Variants in TSPEAR observed in about 807,000 individuals in gnomAD.
TSPEAR encodes the protein thrombospondin-type laminin G domain and EAR repeat-containing protein.
TSPEAR carries 69 observed loss-of-function variants against 71.6 expected under a neutral mutation model. The ratio of observed to expected loss-of-function variants is 0.96; its 90% CI spans 0.79 to 1.18. The LOEUF (loss-of-function observed/expected upper bound fraction) is 1.18. Among genes scored for constraint, TSPEAR ranks in the 50% most tolerant of loss-of-function variants. The probability of loss-of-function intolerance (pLI) is 0.00; values close to 1 mark genes in which losing one functional copy is unlikely to be tolerated. For synonymous variants in TSPEAR, 402 were observed against 387.2 expected (o/e 1.04, Z -0.45); for missense variants, 971 against 894.9 (o/e 1.09, Z -1.09).
chr21:44,579,768 A>C, intron 1 of TSPEAR: 2 of 1,610,842 alleles, frequency 1.2e-6, no homozygotes, highest in East Asian at 2.2e-5. Flanking sequence ...AGGCCTCAGC[A>C]GGCCAGGGGG....
chr21:44,584,045 A>G (rs1411359234), intron 1 of TSPEAR, among the ~76,000 whole-genome samples: 2 of 152,216 alleles, frequency 1.3e-5, no homozygotes, highest in East Asian at 3.9e-4. Context: ...GCACACCTGT[A>G]TTAATAATCG....
At chr21:44,525,596 G>A (rs2052838607) in intron 8 of TSPEAR, 57 bp downstream of exon 8, 1 of 1,560,396 alleles carries the variant, frequency 6.4e-7, no homozygotes, top group East Asian at 2.2e-5. Context: ...CTGCCTGCAA[G>A]TCTCGCTCTG....
At position 44,506,546 on chromosome 21, in the gene TSPEAR, C is replaced by T. The variant is rs1411417381; in HGVS notation, c.1755-1665G>A. Among the ~76,000 whole-genome samples, 1 of 152,204 alleles carries T rather than the reference C, an allele frequency of 6.6e-6. No homozygotes were observed. Among genetic ancestry groups the T allele is most frequent in the Non-Finnish European group, 1.5e-5 (1 of 68,026 alleles). ...GGTGTCCAGTGACAGGCAGGGCGGG[C>T]AGAGCCCATGGGGCCTTGGGCTCCT... On this transcript the variant is annotated intron_variant, in intron 10 of 11. Transcript: ENST00000323084. This position sits in a 1 kb window ranked among gnomAD's most constrained non-coding sequence, Gnocchi z 4.2.
chr21:44,552,170 T>G (rs1601406244), intron 2 of TSPEAR, among the ~76,000 whole-genome samples: 1 of 151,948 alleles, frequency 6.6e-6, no homozygotes, highest in Non-Finnish European at 1.5e-5. Context: ...GAGTGGTGGG[T>G]GCAGATCCAG....
chr21:44,504,841 A>G lies in TSPEAR; in HGVS notation c.1795T>C (p.Phe599Leu). 6.2e-7 allele frequency: 1 copy of G among 1,613,770 alleles called. No individual in the cohort carries two copies. Among genetic ancestry groups the G allele is most frequent in the South Asian group, 1.1e-5 (1 of 91,046 alleles). Residue 599 changes from phenylalanine to leucine, a missense_variant, in exon 11 of 12, where the codon TTC (phenylalanine) becomes CTC (leucine). Transcript: ENST00000323084. Reference protein sequence around the residue: ...WEFFSVGEDYFLVVANSFDGR... With the variant: ...WEFFSVGEDYLLVVANSFDGR... ...TCGAAGGAGTTGGCCACCACCAGGA[A>G]ATAATCTTCTCCCACCGAGAAAAAC...
intron 9 of TSPEAR, chr21:44,515,440 C>G (rs1482286243): frequency 1.3e-5 from 2 of 152,390 alleles, no homozygotes; most frequent in Admixed American, 1.3e-4. Flanking sequence ...AGCCGTGCTT[C>G]CTTCTGTCTG....
chr21:44,687,782 G>A lies in TSPEAR; in HGVS notation c.82+23651C>T, dbSNP rs1986927050. ...CTGGGTGAGCTGTGTTGACAGATTG[G>A]CAAACTTCGTCAAATGATACCCTTG... On this transcript the variant is annotated intron_variant, in intron 1 of 11. Transcript: ENST00000323084. This position sits in a 1 kb window ranked among gnomAD's most constrained non-coding sequence, Gnocchi z 4.4. 6.6e-6 allele frequency among the ~76,000 whole-genome samples: 1 copy of A among 152,144 alleles called. No individual in the cohort carries two copies. Among genetic ancestry groups the A allele is most frequent in the Non-Finnish European group, 1.5e-5 (1 of 68,030 alleles).
chr21:44,612,565 C>T lies in TSPEAR; in HGVS notation c.83-44560G>A, dbSNP rs1981773864. The T allele has an allele frequency of 3.1e-6, 5 of 1,613,946 alleles. No homozygotes were observed. Among genetic ancestry groups the T allele is most frequent in the Non-Finnish European group, 3.4e-6 (4 of 1,179,972 alleles). On this transcript the variant is annotated intron_variant, in intron 1 of 11. Transcript: ENST00000323084. This position sits in a 1 kb window ranked among gnomAD's most constrained non-coding sequence, Gnocchi z 4.1. ...AGCAGTCTAGCTGCCAGTCAGCTTG[C>T]TGCACCTTCTCCCCATGCCAACAGG...
At chr21:44,514,558 G>A (rs1187889839) in intron 9 of TSPEAR, among the ~76,000 whole-genome samples, 1 of 152,224 alleles carries the variant, frequency 6.6e-6, no homozygotes, top group Admixed American at 6.5e-5. Context: ...TTTGGAAGCT[G>A]CAACACCTTC....
intron 8 of TSPEAR, among the ~76,000 whole-genome samples, chr21:44,523,566 CAGTT>C (rs375121369): frequency 6.9e-4 from 105 of 151,654 alleles, no homozygotes; most frequent in Middle Eastern, 3.5e-3. Flanking sequence ...GTAAGTCAGT[CAGTT>C]AGGTCGTCAG....
At chr21:44,561,903 C>A (rs233257) in intron 2 of TSPEAR, among the ~76,000 whole-genome samples, 1 of 152,118 alleles carries the variant, frequency 6.6e-6, no homozygotes, top group Non-Finnish European at 1.5e-5. Context: ...TGAAAGCATT[C>A]CCTTTGAAAA....
chr21:44,657,892 G>A (rs983124851), intron 1 of TSPEAR: 21 of 1,304,884 alleles, frequency 1.6e-5, no homozygotes, highest in Middle Eastern at 3.7e-4. Context: ...TTACCCAGAT[G>A]ACAGGACCCA....
At chr21:44,637,163 G>A (rs1349371672) in intron 1 of TSPEAR, among the ~76,000 whole-genome samples, 12 of 152,158 alleles carry the variant, frequency 7.9e-5, no homozygotes, top group South Asian at 2.1e-4. Flanking sequence ...AGCCAGGGGC[G>A]CCGGTCCTGC....
intron 1 of TSPEAR, among the ~76,000 whole-genome samples, chr21:44,602,610 T>G (rs1222346402): frequency 1.3e-5 from 2 of 152,242 alleles, no homozygotes; most frequent in African/African-American, 4.8e-5. Flanking sequence ...TTGTACCATG[T>G]GGTTTAGGCC....
intron 1 of TSPEAR, chr21:44,658,036 C>T (rs782781021): frequency 1.2e-6 from 2 of 1,613,928 alleles, no homozygotes; most frequent in Non-Finnish European, 1.7e-6. Context: ...TACACAGCCC[C>T]TGCCAGGCAT....
chr21:44,590,734 C>T (rs587663085), intron 1 of TSPEAR, among the ~76,000 whole-genome samples: 12 of 152,214 alleles, frequency 7.9e-5, no homozygotes, highest in Non-Finnish European at 1.2e-4. Context: ...TGGGGGGCAG[C>T]CATGAGCTGG....
At chr21:44,655,018 T>A (rs587626912) in intron 1 of TSPEAR, among the ~76,000 whole-genome samples, 5 of 152,242 alleles carry the variant, frequency 3.3e-5, no homozygotes, top group Admixed American at 1.3e-4. Context: ...AGAAGCTCAG[T>A]CATCATCAGG....
intron 1 of TSPEAR, chr21:44,647,677 T>G: frequency 1.0e-5 from 4 of 388,192 alleles, no homozygotes; most frequent in Non-Finnish European, 1.0e-5. Context: ...CTTTCTGCTC[T>G]TCCCCTGAGC....
At chr21:44,698,126 C>T in intron 1 of TSPEAR, 1 of 720,882 alleles carries the variant, frequency 1.4e-6, no homozygotes, top group East Asian at 2.7e-5. Flanking sequence ...CTCCAGATGA[C>T]CCTGCCTCCA....
Sources: allele counts gnomAD v4.1 joint callset (sites outside exome capture counted in the v4.1 genomes callset), GRCh38; gene constraint gnomAD v4.1.1; non-coding constraint Gnocchi (gnomAD v3.1); transcripts MANE v1.5; gene names NCBI Gene and HGNC (gene_info 2026-07-23, HGNC 2026-07-21).